TACC2: variants seen among roughly 807,000 people sequenced by gnomAD.
TACC2 encodes the protein transforming acidic coiled-coil-containing protein 2.
Under a neutral mutation model 227.3 loss-of-function variants are expected in TACC2, and 137 were observed. The observed-to-expected ratio is 0.60, with a 90% CI of 0.52 to 0.69. The LOEUF (loss-of-function observed/expected upper bound fraction) is 0.69, where lower values mean the gene tolerates loss of function less well. TACC2 is among the 30% of genes least tolerant of loss of function. The pLI is 0.00. For synonymous variants in TACC2, 1,523 were observed against 1,487.5 expected, an observed-to-expected ratio of 1.02 and a Z score of -0.55; for missense variants, 3,470 against 3,694.4, an observed-to-expected ratio of 0.94 and a Z score of 1.57.
At chr10:122,108,361 A>G (rs2083139458) in intron 5 of TACC2, among the ~76,000 whole-genome samples, 1 of 149,694 alleles carries the variant, frequency 6.7e-6, no homozygotes, top group Admixed American at 6.7e-5. Context: ...ATGGCTGAGT[A>G]GTATTCCATG....
chr10:122,005,683 C>CTTTTTTT (rs67744191), intron 1 of TACC2, among the ~76,000 whole-genome samples: 2 of 108,392 alleles, frequency 1.8e-5, no homozygotes, highest in African/African-American at 3.4e-5. Context: ...CGTGCCTGGC[C>CTTTTTTT]TTTTTTTTTT....
chr10:122,178,798 T>C (rs986478941), intron 7 of TACC2, among the ~76,000 whole-genome samples: 2 of 152,186 alleles, frequency 1.3e-5, no homozygotes, highest in African/African-American at 2.4e-5. Flanking sequence ...GAGGATCACC[T>C]GAGCCTTAAA....
At chr10:122,158,328 G>A (rs1389750319) in intron 7 of TACC2, among the ~76,000 whole-genome samples, 1 of 152,014 alleles carries the variant, frequency 6.6e-6, no homozygotes, top group Non-Finnish European at 1.5e-5. Context: ...GGCAGAGGTT[G>A]CAGTGAGCTG....
chr10:122,067,532 A>G (rs559063346), intron 3 of TACC2, among the ~76,000 whole-genome samples: 1 of 135,276 alleles, frequency 7.4e-6, no homozygotes, highest in Non-Finnish European at 1.6e-5. Flanking sequence ...TTTTAGACAC[A>G]GTCTTACTCT....
At chr10:122,060,422 A>G (rs2136393272) in intron 3 of TACC2, among the ~76,000 whole-genome samples, 1 of 152,358 alleles carries the variant, frequency 6.6e-6, no homozygotes, top group Non-Finnish European at 1.5e-5. Flanking sequence ...AGGAAGTTAG[A>G]GACATTTATT....
At chr10:122,097,442 G>A (rs1363280296) in intron 5 of TACC2, among the ~76,000 whole-genome samples, 7 of 152,116 alleles carry the variant, frequency 4.6e-5, no homozygotes, top group African/African-American at 1.4e-4. Flanking sequence ...TCCCGAGAGA[G>A]GGCAGGGTGC....
chr10:122,192,375 C>T (rs181223255), intron 7 of TACC2: 4 of 275,248 alleles, frequency 1.5e-5, no homozygotes, highest in African/African-American at 4.4e-5. Context: ...GAGGGGCATC[C>T]GGCCCTCCCT....
intron 5 of TACC2, among the ~76,000 whole-genome samples, chr10:122,105,326 T>G (rs2082627222): frequency 6.6e-6 from 1 of 152,198 alleles, no homozygotes. Context: ...TTCCAGTCTC[T>G]GGCCTCATTT....
intron 1 of TACC2, among the ~76,000 whole-genome samples, chr10:121,999,467 C>G (rs543533896): frequency 6.6e-6 from 1 of 152,244 alleles, no homozygotes; most frequent in Admixed American, 6.5e-5. Flanking sequence ...ACAGATGAGA[C>G]AAGCAACGCT....
At chr10:122,021,337 G>T (rs1368264539) in intron 1 of TACC2, among the ~76,000 whole-genome samples, 1 of 152,042 alleles carries the variant, frequency 6.6e-6, no homozygotes, top group Non-Finnish European at 1.5e-5. Context: ...ACATGATCTC[G>T]TCTGGTCCCA....
Position 122,086,267 on chromosome 10 carries a change from T to C in TACC2, c.3767T>C (p.Val1256Ala). The C allele has an allele frequency of 6.2e-7, 1 of 1,613,980 alleles. No individual in the cohort carries two copies. Among genetic ancestry groups the C allele is most frequent in the Non-Finnish European group, 8.5e-7 (1 of 1,180,036 alleles). Residue 1256 changes from valine (V) to alanine (A), a missense_variant, in exon 4 of 23, where the codon GTT (valine) becomes GCT (alanine). By Grantham distance (64) the Val-to-Ala change is moderately conservative. This residue lies in a region of TACC2 where 1,924 missense variants were observed against 1,978.3 expected (regional missense o/e 0.97). Transcript: ENST00000369005. ...RGAEDSGVKA[V>A]SSADPRAPGE... is the part of the protein sequence containing the mutation. ...GCAGAAGACAGTGGAGTGAAAGCTG[T>C]TTCCTCTGCAGACCCCAGAGCTCCT... is the stretch of plus-strand genomic sequence containing the variant.
chr10:122,220,644 A>G (rs1398759378), intron 11 of TACC2, among the ~76,000 whole-genome samples: 2 of 152,254 alleles, frequency 1.3e-5, no homozygotes, highest in Non-Finnish European at 2.9e-5. Context: ...TGAGACTTAC[A>G]CTAAAGTCAC....
At chr10:122,003,468 G>C (rs1954670382) in intron 1 of TACC2, among the ~76,000 whole-genome samples, 1 of 151,986 alleles carries the variant, frequency 6.6e-6, no homozygotes, top group African/African-American at 2.4e-5. Context: ...TGATATATAT[G>C]TAATGTTTTT....
intron 19 of TACC2, among the ~76,000 whole-genome samples, chr10:122,245,297 T>C (rs886129903): frequency 2.0e-5 from 3 of 152,214 alleles, no homozygotes; most frequent in Non-Finnish European, 4.4e-5. Context: ...GCGTTTGTCA[T>C]GTACAAAAGG....
At chr10:122,094,988 A>G (rs980129936) in intron 5 of TACC2, among the ~76,000 whole-genome samples, 6 of 152,208 alleles carry the variant, frequency 3.9e-5, no homozygotes, top group African/African-American at 1.4e-4. Flanking sequence ...CTAGCTGGTG[A>G]GAGCTGCAAG....
intron 11 of TACC2, among the ~76,000 whole-genome samples, chr10:122,221,533 CT>C (rs1555156273): frequency 6.6e-6 from 1 of 152,166 alleles, no homozygotes; most frequent in Non-Finnish European, 1.5e-5. Context: ...CTCAGCTGTT[CT>C]TTAACGGCAG....
At chr10:122,024,787 G>A (rs1455822789) in intron 2 of TACC2, among the ~76,000 whole-genome samples, 1 of 152,028 alleles carries the variant, frequency 6.6e-6, no homozygotes, top group Non-Finnish European at 1.5e-5. Flanking sequence ...TAGATGTACT[G>A]TACATTTTGT....
intron 12 of TACC2, among the ~76,000 whole-genome samples, chr10:122,225,684 C>A (rs895936428): frequency 6.6e-6 from 1 of 152,206 alleles, no homozygotes; most frequent in African/African-American, 2.4e-5. Context: ...ATTGAAACCA[C>A]AAGGGGCCCC....
intron 2 of TACC2, among the ~76,000 whole-genome samples, chr10:122,040,773 G>T (rs2074157420): frequency 6.6e-6 from 1 of 152,170 alleles, no homozygotes; most frequent in Non-Finnish European, 1.5e-5. Flanking sequence ...TTCAACTCTA[G>T]AAACTGTGAT....
Sources: gnomAD v4.1 joint callset for allele counts (sites outside exome capture counted in the v4.1 genomes callset) on GRCh38, gnomAD v4.1.1 for gene constraint, gnomAD v4.1.1 regional missense constraint, MANE v1.5 for transcripts, NCBI Gene and HGNC (gene_info 2026-07-23, HGNC 2026-07-21) for gene names.